Variants in ADAMTSL1 observed in about 807,000 individuals in gnomAD.
ADAMTSL1 encodes the protein ADAMTS like 1.
A neutral mutation model predicts 201.8 loss-of-function variants in ADAMTSL1; 126 were observed. That is an observed-to-expected ratio of 0.62 (90% CI 0.54 to 0.72). The LOEUF is 0.72. Among genes scored for constraint, ADAMTSL1 ranks in the 30% least tolerant of loss-of-function variants. The pLI, the probability that ADAMTSL1 is intolerant of heterozygous loss-of-function variation, is 0.00. For synonymous variants in ADAMTSL1, 1,121 were observed against 903.4 expected (o/e 1.24, Z -4.32); for missense variants, 2,679 against 2,277.8 (o/e 1.18, Z -3.59).
At chr9:18,727,397 C>T (rs1770695271) in intron 15 of ADAMTSL1, among the ~76,000 whole-genome samples, 1 of 152,242 alleles carries the variant, frequency 6.6e-6, no homozygotes, top group African/African-American at 2.4e-5. Flanking sequence ...GAAATTGAGT[C>T]CATATCCAGG....
chr9:18,570,025 A>T (rs1274848038), intron 3 of ADAMTSL1, among the ~76,000 whole-genome samples: 1 of 152,162 alleles, frequency 6.6e-6, no homozygotes, highest in Non-Finnish European at 1.5e-5. Flanking sequence ...AAAGATGGTA[A>T]GTATTTTTCA....
chr9:17,952,710 A>G (rs1389765762), intron 1 of ADAMTSL1, among the ~76,000 whole-genome samples: 1 of 152,124 alleles, frequency 6.6e-6, no homozygotes, highest in Non-Finnish European at 1.5e-5. Flanking sequence ...TACTTTTAAT[A>G]GAGGCGGGGT....
At chr9:18,448,083 A>G (rs1267860364) in intron 2 of ADAMTSL1, among the ~76,000 whole-genome samples, 1 of 152,210 alleles carries the variant, frequency 6.6e-6, no homozygotes, top group Non-Finnish European at 1.5e-5. Context: ...AACAAGAGAA[A>G]ACAAAAATCA....
chr9:18,835,046 T>C (rs542112844), intron 23 of ADAMTSL1, among the ~76,000 whole-genome samples: 5 of 152,186 alleles, frequency 3.3e-5, no homozygotes, highest in Non-Finnish European at 7.4e-5. Flanking sequence ...ACAGCCAAAC[T>C]GTTTTCCAAA....
intron 1 of ADAMTSL1, among the ~76,000 whole-genome samples, chr9:18,478,724 C>T (rs745406636): frequency 9.2e-5 from 14 of 152,076 alleles, no homozygotes; most frequent in Non-Finnish European, 1.9e-4. Context: ...GCATAAGGAC[C>T]GGAGCCTTTT....
intron 2 of ADAMTSL1, among the ~76,000 whole-genome samples, chr9:18,390,758 C>G (rs1563929748): frequency 6.6e-6 from 1 of 151,912 alleles, no homozygotes; most frequent in Admixed American, 6.6e-5. Context: ...AACTCAGGAC[C>G]CATTCTAGCA....
At chr9:18,461,678 C>A (rs754387302) in intron 2 of ADAMTSL1, among the ~76,000 whole-genome samples, 11 of 152,024 alleles carry the variant, frequency 7.2e-5, no homozygotes, top group Non-Finnish European at 5.9e-5. Context: ...ACCTGTCCAG[C>A]GCAGACCTCA....
At chr9:18,643,093 A>T (rs942475602) in intron 7 of ADAMTSL1, among the ~76,000 whole-genome samples, 1 of 151,962 alleles carries the variant, frequency 6.6e-6, no homozygotes, top group Admixed American at 6.6e-5. Context: ...GCCAATACTT[A>T]CCTTTTGTCT....
chr9:18,429,825 T>C (rs973585418), intron 2 of ADAMTSL1, among the ~76,000 whole-genome samples: 2 of 152,290 alleles, frequency 1.3e-5, no homozygotes, highest in Non-Finnish European at 2.9e-5. Flanking sequence ...AGTCTCGCTC[T>C]GTCTCTCAGG....
At chr9:18,273,509 G>T (rs961469796) in intron 2 of ADAMTSL1, among the ~76,000 whole-genome samples, 1 of 152,224 alleles carries the variant, frequency 6.6e-6, no homozygotes, top group African/African-American at 2.4e-5. Context: ...GAGGAAAATT[G>T]GTAAGGGGCA....
intron 1 of ADAMTSL1, among the ~76,000 whole-genome samples, chr9:18,146,222 A>G (rs1048147177): frequency 6.6e-6 from 1 of 152,172 alleles, no homozygotes; most frequent in Non-Finnish European, 1.5e-5. Context: ...TAGTTACTGT[A>G]TGATCCAGCA....
chr9:18,733,130 T>C, intron 15 of ADAMTSL1, among the ~76,000 whole-genome samples: 1 of 152,182 alleles, frequency 6.6e-6, no homozygotes, highest in Non-Finnish European at 1.5e-5. Flanking sequence ...CCCATCTGTC[T>C]CTCACACTGT....
In ADAMTSL1 at chr9:17,942,066, TTA is replaced by T. The variant is rs577480432; in HGVS notation, c.87+35148_87+35149del. On this transcript the variant is annotated intron_variant, in intron 1 of 29. Transcript: ENST00000680146. The stretch of plus-strand genomic sequence containing the variant: ...TTATATAGCTGCTGCCATACAAATA[TTA>T]TATGATTCCATTCACCTATATAAGG... Among the ~76,000 whole-genome samples the T allele has an allele frequency of 1.4e-4, 22 of 152,232 alleles. No homozygotes were observed. In the East Asian group the frequency reaches 4.1e-3, roughly 28 times the overall value.
chr9:18,324,407 A>G (rs1401649300), intron 2 of ADAMTSL1, among the ~76,000 whole-genome samples: 1 of 128,056 alleles, frequency 7.8e-6, no homozygotes, highest in Non-Finnish European at 1.6e-5. Flanking sequence ...CAGAATACGC[A>G]AAGATTTTTT....
At chr9:17,991,862 G>C (rs762434144) in intron 1 of ADAMTSL1, among the ~76,000 whole-genome samples, 6 of 152,022 alleles carry the variant, frequency 3.9e-5, no homozygotes, top group Non-Finnish European at 1.5e-5. Flanking sequence ...ATTTTCCCTC[G>C]GGGGTGCTTC....
intron 2 of ADAMTSL1, among the ~76,000 whole-genome samples, chr9:18,340,432 T>C (rs1586922977): frequency 6.6e-6 from 1 of 152,314 alleles, no homozygotes; most frequent in East Asian, 1.9e-4. Flanking sequence ...GTTCTGCATA[T>C]ACTGCAAACA....
intron 1 of ADAMTSL1, among the ~76,000 whole-genome samples, chr9:17,976,699 G>T (rs955006511): frequency 6.8e-5 from 10 of 146,790 alleles, no homozygotes; most frequent in African/African-American, 7.6e-5. Flanking sequence ...TCTTGCTCTC[G>T]CTCTCTCTCT....
chr9:18,320,961 A>G (rs886805167), intron 2 of ADAMTSL1, among the ~76,000 whole-genome samples: 1 of 152,090 alleles, frequency 6.6e-6, no homozygotes, highest in Non-Finnish European at 1.5e-5. Flanking sequence ...ATAACAAAAT[A>G]ATAGATATAA....
chr9:18,287,488 A>G (rs561850483), intron 2 of ADAMTSL1, among the ~76,000 whole-genome samples: 1 of 151,700 alleles, frequency 6.6e-6, no homozygotes, highest in East Asian at 1.9e-4. Context: ...CAGATATGTA[A>G]TGCATGTATT....
Sources: gnomAD v4.1 joint callset for allele counts (sites outside exome capture counted in the v4.1 genomes callset) on GRCh38, gnomAD v4.1.1 for gene constraint, MANE v1.5 for transcripts, NCBI Gene and HGNC (gene_info 2026-07-23, HGNC 2026-07-21) for gene names.